The following GRIK4 variants were observed in gnomAD, a reference collection of about 807,000 sequenced individuals.
GRIK4 encodes the protein glutamate ionotropic receptor kainate type subunit 4.
In GRIK4, 40 loss-of-function variants were observed where a neutral mutation model predicts 104.9. The observed-to-expected ratio is 0.38, with a 90% CI of 0.30 to 0.50. The LOEUF is 0.50. Among genes scored for constraint, GRIK4 ranks in the 20% least tolerant of loss-of-function variants. The pLI is 0.93. For synonymous variants in GRIK4, 485 were observed against 524.9 expected, an observed-to-expected ratio of 0.92 and a Z score of 1.04; for missense variants, 1,047 against 1,308.1, an observed-to-expected ratio of 0.80 and a Z score of 3.08.
At chr11:120,946,002 T>C (rs11218070) in intron 14 of GRIK4, among the ~76,000 whole-genome samples, 36,117 of 152,204 alleles carry the variant, frequency 0.24, 4,516 homozygotes, top group East Asian at 0.36. Flanking sequence ...GCTCATCTCC[T>C]TGTAATGATA....
At chr11:120,782,479 G>T (rs1439108730) in intron 3 of GRIK4, among the ~76,000 whole-genome samples, 6 of 152,086 alleles carry the variant, frequency 3.9e-5, no homozygotes, top group Non-Finnish European at 8.8e-5. Context: ...TAGAGACGGG[G>T]TTTCACCGTG....
intron 9 of GRIK4, chr11:120,868,496 G>A (rs187462088): frequency 0.013 from 1,876 of 142,778 alleles, 19 homozygotes; most frequent in Non-Finnish European, 0.019. Context: ...AAAGGAAAAG[G>A]AAATGTATTG....
At chr11:120,781,051 G>A (rs1367424775) in intron 3 of GRIK4, among the ~76,000 whole-genome samples, 7 of 151,862 alleles carry the variant, frequency 4.6e-5, no homozygotes, top group South Asian at 4.2e-4. Context: ...CACATTATCC[G>A]TTTTTATAGT....
At chr11:120,619,994 T>C in intron 1 of GRIK4, 1 of 509,418 alleles carries the variant, frequency 2.0e-6, no homozygotes, top group Admixed American at 3.5e-5. Context: ...AATTGGGAGT[T>C]TGGGAATCTC....
In GRIK4 at chr11:120,735,197, G is replaced by A. The variant is rs1591846786; in HGVS notation, c.83-67496G>A. Among the ~76,000 whole-genome samples the A allele has an allele frequency of 5.3e-5, 8 of 152,256 alleles. 1 individual carries two copies. The South Asian group carries it at 1.5e-3, about 28-fold the overall frequency. ...TCGTAGTCTTCACAATTTGGACTTCGCAATCTGTGTTATTCTTCTTGGGAA... is the reference window on the plus strand; with the variant it reads ...TCGTAGTCTTCACAATTTGGACTTCACAATCTGTGTTATTCTTCTTGGGAA... On this transcript the variant is annotated intron_variant, in intron 3 of 20. Coordinates refer to ENST00000527524, the MANE Select transcript of GRIK4 (RefSeq NM_014619.5).
intron 8 of GRIK4, among the ~76,000 whole-genome samples, chr11:120,852,223 A>G (rs1953990285): frequency 6.6e-6 from 1 of 152,252 alleles, no homozygotes. Context: ...AAATGAAGAC[A>G]GACCCAGCTG....
intron 8 of GRIK4, among the ~76,000 whole-genome samples, 183 bp downstream of exon 8, chr11:120,837,027 G>A (rs1002116359): frequency 1.3e-5 from 2 of 152,208 alleles, no homozygotes; most frequent in African/African-American, 4.8e-5. Flanking sequence ...AGCCACAGGA[G>A]AATGAGGATT....
At chr11:120,561,988 G>T (rs750026730) in intron 1 of GRIK4, among the ~76,000 whole-genome samples, 1 of 152,200 alleles carries the variant, frequency 6.6e-6, no homozygotes, top group South Asian at 2.1e-4. Context: ...GAAGGATGTC[G>T]TGTTCTTCCT....
intron 5 of GRIK4, among the ~76,000 whole-genome samples, chr11:120,816,342 T>G (rs1433695917): frequency 6.6e-6 from 1 of 152,078 alleles, no homozygotes; most frequent in African/African-American, 2.4e-5. Flanking sequence ...CCCAAGGGCC[T>G]TCCAGCCAGG....
At chr11:120,604,286 G>T (rs1948929291) in intron 1 of GRIK4, among the ~76,000 whole-genome samples, 1 of 151,974 alleles carries the variant, frequency 6.6e-6, no homozygotes, top group African/African-American at 2.4e-5. Flanking sequence ...GGCCCCAGAT[G>T]CCAGAGGTGC....
chr11:120,774,828 T>G (rs547369739), intron 3 of GRIK4, among the ~76,000 whole-genome samples: 96 of 152,176 alleles, frequency 6.3e-4, no homozygotes, highest in Non-Finnish European at 1.1e-3. Context: ...ACAAGGCTGC[T>G]GGACCATTTG....
At chr11:120,946,305 G>A (rs1943858827) in intron 14 of GRIK4, among the ~76,000 whole-genome samples, 1 of 152,184 alleles carries the variant, frequency 6.6e-6, no homozygotes, top group South Asian at 2.1e-4. Flanking sequence ...GACTGCGCCA[G>A]AAGCCAAACT....
At chr11:120,525,069 T>G (rs1947841865) in intron 1 of GRIK4, among the ~76,000 whole-genome samples, 1 of 152,122 alleles carries the variant, frequency 6.6e-6, no homozygotes. Context: ...CCATGATGCC[T>G]GCAGTGCTGG....
At chr11:120,770,120 G>C (rs1397255088) in intron 3 of GRIK4, among the ~76,000 whole-genome samples, 1 of 152,210 alleles carries the variant, frequency 6.6e-6, no homozygotes, top group South Asian at 2.1e-4. Flanking sequence ...AGTAGTCATT[G>C]AAACACTTAC....
intron 3 of GRIK4, among the ~76,000 whole-genome samples, chr11:120,707,234 C>T (rs1249621275): frequency 6.6e-6 from 1 of 152,182 alleles, no homozygotes; most frequent in Non-Finnish European, 1.5e-5. Context: ...GAGTCAGGAC[C>T]ACACACTGTG....
intron 13 of GRIK4, among the ~76,000 whole-genome samples, chr11:120,917,807 C>T (rs1428238320): frequency 6.6e-6 from 1 of 152,190 alleles, no homozygotes; most frequent in African/African-American, 2.4e-5. Flanking sequence ...CTCAAAGCAG[C>T]CTGGGAAACT....
chr11:120,682,591 CTTTTT>C (rs34209497), intron 3 of GRIK4, among the ~76,000 whole-genome samples: 1 of 144,990 alleles, frequency 6.9e-6, no homozygotes, highest in South Asian at 2.2e-4. Flanking sequence ...TTGCCCCCAT[CTTTTT>C]TTTTTTTTTT....
chr11:120,641,605 G>A (rs529318293), intron 1 of GRIK4, among the ~76,000 whole-genome samples: 2 of 152,290 alleles, frequency 1.3e-5, no homozygotes, highest in South Asian at 4.1e-4. Context: ...AACTGTCATG[G>A]CGCTGATGGG....
intron 3 of GRIK4, among the ~76,000 whole-genome samples, chr11:120,661,448 G>A (rs930377183): frequency 1.3e-5 from 2 of 151,724 alleles, no homozygotes; most frequent in African/African-American, 4.8e-5. Flanking sequence ...TGGGGGTGGG[G>A]TTGGGGGTGG....
Sources: allele counts gnomAD v4.1 joint callset (sites outside exome capture counted in the v4.1 genomes callset), GRCh38; gene constraint gnomAD v4.1.1; transcripts MANE v1.5; gene names NCBI Gene and HGNC (gene_info 2026-07-23, HGNC 2026-07-21).